Variants in LRP1B observed in about 807,000 individuals in gnomAD.
LRP1B encodes LDL receptor related protein 1B, also known as low-density lipoprotein receptor-related protein 1B.
A neutral mutation model predicts 556.6 loss-of-function variants in LRP1B; 217 were observed. The ratio of observed to expected loss-of-function variants is 0.39; its 90% CI spans 0.35 to 0.44. The LOEUF (loss-of-function observed/expected upper bound fraction) is 0.44. Among genes scored for constraint, LRP1B ranks in the 20% least tolerant of loss-of-function variants. LRP1B has a pLI of 1.00. For synonymous variants in LRP1B, 2,047 were observed against 1,865.8 expected (o/e 1.10, Z -2.50); for missense variants, 5,053 against 5,620.8 (o/e 0.90, Z 3.23).
intron 1 of LRP1B, among the ~76,000 whole-genome samples, chr2:141,895,064 A>AAG (rs1006337570): frequency 2.4e-5 from 3 of 125,298 alleles, no homozygotes; most frequent in African/African-American, 1.0e-4. Flanking sequence ...AAAAAAAAAA[A>AAG]AAGAAAAGAA....
intron 51 of LRP1B, among the ~76,000 whole-genome samples, chr2:140,513,790 A>T (rs1259735552): frequency 6.6e-6 from 1 of 152,054 alleles, no homozygotes. Context: ...CATACACCTT[A>T]TTCTATGACT....
At chr2:140,333,562 A>G (rs1680922493) in intron 79 of LRP1B, among the ~76,000 whole-genome samples, 2 of 152,120 alleles carry the variant, frequency 1.3e-5, no homozygotes, top group Admixed American at 1.3e-4. Context: ...GGAAAGGTAT[A>G]AAACACATTA....
chr2:141,210,175 G>A (rs1682479476), intron 6 of LRP1B, among the ~76,000 whole-genome samples: 1 of 150,894 alleles, frequency 6.6e-6, no homozygotes, highest in Non-Finnish European at 1.5e-5. Flanking sequence ...TAGTTTCAAT[G>A]ATAAGTTTCC....
In LRP1B at chr2:141,032,826, C is replaced by CATAT. The variant is rs71391641; in HGVS notation, c.1790-12728_1790-12725dup. On this transcript the variant is annotated intron_variant, in intron 11 of 90. Coordinates refer to ENST00000389484, the MANE Select transcript of LRP1B (RefSeq NM_018557.3). Reference sequence around the variant, plus strand: ...ATGTGTGTGTGTATATATATACATACATATATATATATATGCAGGCATATG... The same window carrying CATAT: ...ATGTGTGTGTGTATATATATACATACATATATATATATATATATGCAGGCATATG... Among the ~76,000 whole-genome samples the CATAT allele has an allele frequency of 5.3e-4, 67 of 126,662 alleles. 6 individuals carry two copies. Among genetic ancestry groups the CATAT allele is most frequent in the African/African-American group, 1.8e-3 (61 of 33,014 alleles). 83.1% of individuals were successfully genotyped at this position (126,662 alleles called of 152,430 possible). A position where few individuals can be genotyped will look rare whatever the true frequency, so the allele number is the denominator to read the frequency against.
chr2:142,128,129 G>A (rs1026794466), intron 1 of LRP1B, among the ~76,000 whole-genome samples: 5 of 152,044 alleles, frequency 3.3e-5, no homozygotes, highest in East Asian at 1.9e-4. Context: ...ACAAGTGCAC[G>A]TATATGGTTT....
At chr2:141,821,603 T>C (rs1696754945) in intron 1 of LRP1B, among the ~76,000 whole-genome samples, 1 of 152,196 alleles carries the variant, frequency 6.6e-6, no homozygotes, top group South Asian at 2.1e-4. Context: ...GTATATATTT[T>C]TGTGTACAAG....
chr2:140,384,492 T>C (rs1335712828), intron 67 of LRP1B, among the ~76,000 whole-genome samples: 1 of 152,220 alleles, frequency 6.6e-6, no homozygotes, highest in Non-Finnish European at 1.5e-5. Flanking sequence ...ATGCTCTTTA[T>C]CTTTCTAAAG....
rs546392403 is a variant in LRP1B, at chr2:141,635,244, G to A, written c.206-154711C>T. ...GATAATACTGATTAAAAATTAACTC[G>A]AGGCTTTTAAAATATTATTTAGAGA... On this transcript the variant is annotated intron_variant, in intron 2 of 90. Transcript: ENST00000389484. 3.9e-5 allele frequency among the ~76,000 whole-genome samples: 6 copies of A among 152,090 alleles called. No homozygotes were observed. In the East Asian group the frequency reaches 5.8e-4, roughly 15 times the overall value.
intron 72 of LRP1B, among the ~76,000 whole-genome samples, chr2:140,363,239 T>TTGTGCACAGAAACTCTGGCACAACATTG (rs1682602265): frequency 1.3e-5 from 2 of 151,754 alleles, no homozygotes; most frequent in East Asian, 3.9e-4. Context: ...TGGCACATAA[T>TTGTGCACAGAAACTCTGGCACAACATTG]AGCTTGACTC....
intron 3 of LRP1B, among the ~76,000 whole-genome samples, chr2:141,414,576 G>A (rs181987020): frequency 4.7e-4 from 72 of 152,320 alleles, no homozygotes; most frequent in African/African-American, 1.6e-3. Flanking sequence ...CATAGTGCAG[G>A]CATGATATCA....
chr2:140,335,555 C>A, intron 78 of LRP1B, 60 bp downstream of exon 78: 1 of 999,308 alleles, frequency 1.0e-6, no homozygotes, highest in Non-Finnish European at 1.6e-6. Flanking sequence ...ATCTATAGAG[C>A]ATAATTTCTA....
intron 32 of LRP1B, among the ~76,000 whole-genome samples, chr2:140,795,791 A>G (rs988045647): frequency 1.3e-5 from 2 of 152,148 alleles, no homozygotes; most frequent in Admixed American, 6.6e-5. Context: ...CCAGATGAGG[A>G]CACAATTCCA....
intron 2 of LRP1B, among the ~76,000 whole-genome samples, chr2:141,638,934 T>C (rs1287848443): frequency 2.3e-5 from 1 of 43,976 alleles, no homozygotes; most frequent in Non-Finnish European, 4.8e-5. Context: ...CACATATACA[T>C]ACACACACGC....
Position 140,969,218 on chromosome 2 carries a change from A to C in LRP1B, c.2887+12942T>G, listed in dbSNP as rs185876686. ...GCTTTATGAATCTGGGTGCTCCTGT[A>C]TTGGGTGCATATATATTTAAGATAG... On this transcript the variant is annotated intron_variant, in intron 18 of 90. Transcript: ENST00000389484. Among the ~76,000 whole-genome samples, 1,123 of 152,270 alleles carry C rather than the reference A, an allele frequency of 7.4e-3. 11 individuals carry two copies. The highest frequency in any genetic ancestry group is 0.01 in the Non-Finnish European group (701 of 68,026).
Position 140,264,893 on chromosome 2 carries a change from A to T in LRP1B, c.13247+5349T>A, listed in dbSNP as rs571447378. ...TTAACTAGAAAAAAAGGAAGAAGACACATTTGGGTTCAGTGAGCTATTTGA... is the reference window on the plus strand; with the variant it reads ...TTAACTAGAAAAAAAGGAAGAAGACTCATTTGGGTTCAGTGAGCTATTTGA... On this transcript the variant is annotated intron_variant, in intron 86 of 90. Transcript: ENST00000389484. Among the ~76,000 whole-genome samples the T allele has an allele frequency of 7.2e-5, 11 of 152,194 alleles. 1 individual carries two copies. Among genetic ancestry groups the T allele is most frequent in the African/African-American group, 2.6e-4 (11 of 41,546 alleles).
intron 2 of LRP1B, among the ~76,000 whole-genome samples, chr2:141,644,007 AG>A (rs1689447511): frequency 7.0e-6 from 1 of 142,220 alleles, no homozygotes; most frequent in Non-Finnish European, 1.5e-5. Flanking sequence ...GAGAATGTGG[AG>A]AGTGTGTGTG....
At chr2:141,742,032 C>T (rs1693726960) in intron 2 of LRP1B, among the ~76,000 whole-genome samples, 2 of 152,144 alleles carry the variant, frequency 1.3e-5, no homozygotes, top group African/African-American at 4.8e-5. Flanking sequence ...TTCCCTGCAA[C>T]ATTGATTGAA....
chr2:141,567,830 C>T (rs1042633733), intron 2 of LRP1B, among the ~76,000 whole-genome samples: 1 of 109,018 alleles, frequency 9.2e-6, no homozygotes, highest in Non-Finnish European at 2.2e-5. Context: ...AAACCAATTT[C>T]CTAATACAGG....
intron 2 of LRP1B, among the ~76,000 whole-genome samples, chr2:141,597,864 C>T (rs1205180291): frequency 6.6e-6 from 1 of 151,756 alleles, no homozygotes; most frequent in Non-Finnish European, 1.5e-5. Flanking sequence ...TGGCTTTTTT[C>T]AATTCAATTT....
Sources: gnomAD v4.1 joint callset for allele counts (sites outside exome capture counted in the v4.1 genomes callset) on GRCh38, gnomAD v4.1.1 for gene constraint, MANE v1.5 for transcripts, NCBI Gene and HGNC (gene_info 2026-07-23, HGNC 2026-07-21) for gene names.